The following NAALADL2 variants were observed in gnomAD, a reference collection of about 807,000 sequenced individuals.
NAALADL2 encodes N-acetylated alpha-linked acidic dipeptidase like 2.
A neutral mutation model predicts 87.2 loss-of-function variants in NAALADL2; 76 were observed. The ratio of observed to expected loss-of-function variants is 0.87; its 90% CI spans 0.72 to 1.05. The LOEUF (loss-of-function observed/expected upper bound fraction) is 1.05, where lower values mean the gene tolerates loss of function less well. NAALADL2 is among the 50% of genes least tolerant of loss of function. The pLI is 0.00. For synonymous variants in NAALADL2, 354 were observed against 331.0 expected (o/e 1.07, Z -0.75); for missense variants, 1,089 against 945.8 (o/e 1.15, Z -1.99).
chr3:175,020,391 A>T (rs1052753769), intron 1 of NAALADL2, among the ~76,000 whole-genome samples: 5 of 152,104 alleles, frequency 3.3e-5, no homozygotes, highest in African/African-American at 4.8e-5. Flanking sequence ...AGCTTTAATC[A>T]TGAATCTCCA....
intron 11 of NAALADL2, among the ~76,000 whole-genome samples, chr3:175,628,946 T>C (rs1727379756): frequency 6.6e-6 from 1 of 150,644 alleles, no homozygotes; most frequent in Non-Finnish European, 1.5e-5. Flanking sequence ...AAATCTCAGC[T>C]ATACATTTAT....
intron 5 of NAALADL2, among the ~76,000 whole-genome samples, chr3:175,383,857 G>A (rs188653279): frequency 1.7e-3 from 266 of 152,118 alleles, no homozygotes; most frequent in Non-Finnish European, 3.0e-3. Context: ...GAAAAGATAC[G>A]TAGTGGGCTC....
chr3:175,691,837 T>C (rs1737085616), intron 11 of NAALADL2, among the ~76,000 whole-genome samples: 1 of 152,142 alleles, frequency 6.6e-6, no homozygotes, highest in South Asian at 2.1e-4. Context: ...TGTCATAAAA[T>C]AATTTAAAAG....
At chr3:174,769,901 A>G (rs558756168) in intron 3 of NAALADL2, among the ~76,000 whole-genome samples, 14 of 152,148 alleles carry the variant, frequency 9.2e-5, no homozygotes, top group African/African-American at 2.9e-4. Flanking sequence ...TGGGTTTTCA[A>G]TAACCAAATT....
Position 174,898,112 on chromosome 3 carries a change from CAAAAAAAAAA to C in NAALADL2, c.43+38684_43+38693del, listed in dbSNP as rs913382744. Among the ~76,000 whole-genome samples the C allele has an allele frequency of 5.2e-3, 75 of 14,490 alleles. 1 individual carries two copies. The highest frequency in any genetic ancestry group is 0.015 in the African/African-American group (53 of 3,648). 9.5% of individuals were successfully genotyped at this position (14,490 alleles called of 152,430 possible). On this transcript the variant is annotated intron_variant, in intron 1 of 13. Transcript: ENST00000454872. ...TGGGTGACAGAGCGAGACTCCGTCT[CAAAAAAAAAA>C]AAAAAAAAAAAAAAAAAAAAAGAAA...
intron 1 of NAALADL2, among the ~76,000 whole-genome samples, chr3:174,975,990 G>C (rs1316331260): frequency 6.6e-6 from 1 of 152,154 alleles, no homozygotes; most frequent in Non-Finnish European, 1.5e-5. Context: ...CTGAAACTGA[G>C]ATAATAAGTG....
chr3:174,677,684 T>C (rs1293256047), intron 2 of NAALADL2, among the ~76,000 whole-genome samples: 1 of 152,068 alleles, frequency 6.6e-6, no homozygotes. Flanking sequence ...TAAAGAGTTG[T>C]TAATTAATAA....
At chr3:174,755,350 G>A (rs1233806320) in intron 3 of NAALADL2, among the ~76,000 whole-genome samples, 2 of 152,018 alleles carry the variant, frequency 1.3e-5, no homozygotes, top group South Asian at 2.1e-4. Flanking sequence ...GTGTGAGAAC[G>A]GGCTAGTACA....
At chr3:175,800,841 C>A (rs537786005) in intron 13 of NAALADL2, among the ~76,000 whole-genome samples, 9 of 152,056 alleles carry the variant, frequency 5.9e-5, no homozygotes, top group Non-Finnish European at 1.2e-4. Flanking sequence ...GCAATGAGAT[C>A]ATAACATATT....
intron 11 of NAALADL2, among the ~76,000 whole-genome samples, chr3:175,721,100 T>G (rs1233353450): frequency 6.6e-6 from 1 of 152,102 alleles, no homozygotes; most frequent in African/African-American, 2.4e-5. Context: ...AGAAGGGCTT[T>G]AATGAGGTGT....
intron 9 of NAALADL2, among the ~76,000 whole-genome samples, chr3:175,555,572 TA>T: frequency 6.6e-6 from 1 of 152,150 alleles, no homozygotes. Flanking sequence ...CTTGACAATA[TA>T]AAATACATAT....
intron 5 of NAALADL2, among the ~76,000 whole-genome samples, chr3:175,370,055 T>A (rs1216752890): frequency 6.6e-6 from 1 of 152,168 alleles, no homozygotes; most frequent in Non-Finnish European, 1.5e-5. Context: ...GAGCTGCTTG[T>A]CTGATCATGT....
chr3:175,726,751 C>A (rs1247934449), intron 11 of NAALADL2, among the ~76,000 whole-genome samples: 2 of 152,066 alleles, frequency 1.3e-5, no homozygotes, highest in Non-Finnish European at 2.9e-5. Flanking sequence ...AGGGAGTACC[C>A]AAACTAGGAT....
At chr3:174,486,180 C>T (rs927300779) in intron 1 of NAALADL2, among the ~76,000 whole-genome samples, 6 of 152,052 alleles carry the variant, frequency 3.9e-5, no homozygotes, top group African/African-American at 1.4e-4. Context: ...GGTTATTTCC[C>T]TTCTCCCAGG....
chr3:175,763,134 C>T (rs1748258592), intron 13 of NAALADL2, among the ~76,000 whole-genome samples: 1 of 148,736 alleles, frequency 6.7e-6, no homozygotes, highest in East Asian at 1.9e-4. Flanking sequence ...ATCTAAGTAG[C>T]ACTAGCTTTC....
At chr3:174,775,171 T>C (rs990736629) in intron 3 of NAALADL2, among the ~76,000 whole-genome samples, 2 of 152,142 alleles carry the variant, frequency 1.3e-5, no homozygotes, top group Non-Finnish European at 1.5e-5. Flanking sequence ...TATTCATGTA[T>C]TTGAAGTATG....
chr3:175,130,910 A>C (rs1392289395), intron 2 of NAALADL2, among the ~76,000 whole-genome samples: 2 of 152,140 alleles, frequency 1.3e-5, no homozygotes, highest in Non-Finnish European at 2.9e-5. Context: ...GTTCCATACA[A>C]ATTTAGGATT....
At chr3:174,515,470 T>C (rs1319249606) in intron 1 of NAALADL2, among the ~76,000 whole-genome samples, 1 of 152,100 alleles carries the variant, frequency 6.6e-6, no homozygotes, top group African/African-American at 2.4e-5. Flanking sequence ...AATTACATTA[T>C]AGCTTTCAGT....
At chr3:175,051,233 A>G (rs1009191036) in intron 1 of NAALADL2, among the ~76,000 whole-genome samples, 1 of 152,176 alleles carries the variant, frequency 6.6e-6, no homozygotes, top group Non-Finnish European at 1.5e-5. Context: ...TAATTCTTCC[A>G]TAATGTATTA....
Sources: allele counts gnomAD v4.1 joint callset (sites outside exome capture counted in the v4.1 genomes callset), GRCh38; gene constraint gnomAD v4.1.1; transcripts MANE v1.5; gene names NCBI Gene and HGNC (gene_info 2026-07-23, HGNC 2026-07-21).